The following LMBR1 variants were observed in gnomAD, a reference collection of about 807,000 sequenced individuals.
LMBR1 encodes the protein limb development membrane protein 1.
LMBR1 carries 52 observed loss-of-function variants against 73.9 expected under a neutral mutation model. That is an observed-to-expected ratio of 0.70 (90% CI 0.56 to 0.89). The LOEUF is 0.89. LMBR1 is among the 40% of genes least tolerant of loss of function. LMBR1 has a pLI of 0.00. For synonymous variants in LMBR1, 215 were observed against 209.4 expected (o/e 1.03, Z -0.23); for missense variants, 539 against 579.8 (o/e 0.93, Z 0.72).
In LMBR1 at chr7:156,681,821, G is replaced by A. The variant is rs1409631502; in HGVS notation, c.*2257C>T. ...TAAAATGAGGACCCCCAGAGCGACT[G>A]TCCTTACCAGGACTCAGAACGTTTG... On this transcript the variant is annotated 3_prime_UTR_variant, in exon 17 of 17. Transcript: ENST00000353442. 6.6e-6 allele frequency: 1 copy of A among 152,268 alleles called. No individual in the cohort carries two copies. Among genetic ancestry groups the A allele is most frequent in the East Asian group, 1.9e-4 (1 of 5,202 alleles). 9.4% of individuals were successfully genotyped at this position (152,268 alleles called of 1,614,324 possible).
intron 7 of LMBR1, 71 bp from the exon 8 acceptor site, chr7:156,762,269 A>G (rs1317708440): frequency 1.1e-6 from 1 of 905,686 alleles, no homozygotes; most frequent in Non-Finnish European, 1.8e-6. Context: ...AAACAACTAG[A>G]CTGTAAAAAT....
intron 1 of LMBR1, among the ~76,000 whole-genome samples, chr7:156,873,595 T>C (rs1286748327): frequency 1.3e-5 from 2 of 152,174 alleles, no homozygotes; most frequent in Admixed American, 1.3e-4. Flanking sequence ...TTACAATCCC[T>C]GAGCTAGATA....
chr7:156,693,996 T>C (rs1807765432), intron 15 of LMBR1, among the ~76,000 whole-genome samples: 1 of 152,146 alleles, frequency 6.6e-6, no homozygotes, highest in South Asian at 2.1e-4. Context: ...TGGTTCAACA[T>C]ATGAAGGTCA....
intron 1 of LMBR1, among the ~76,000 whole-genome samples, chr7:156,878,779 G>T (rs1338342484): frequency 6.6e-6 from 1 of 152,132 alleles, no homozygotes; most frequent in Non-Finnish European, 1.5e-5. Context: ...AAATCTGGAG[G>T]TATCACATTA....
intron 15 of LMBR1, among the ~76,000 whole-genome samples, chr7:156,712,620 A>C (rs1315730536): frequency 6.6e-6 from 1 of 152,212 alleles, no homozygotes; most frequent in Non-Finnish European, 1.5e-5. Context: ...CCTAAGCGCC[A>C]ATCAATGGAC....
At chr7:156,837,130 C>T (rs1837774419) in intron 1 of LMBR1, among the ~76,000 whole-genome samples, 1 of 151,520 alleles carries the variant, frequency 6.6e-6, no homozygotes, top group East Asian at 1.9e-4. Flanking sequence ...TTGAGACCAG[C>T]CTGGCCAACA....
chr7:156,731,486 A>C (rs965477774), intron 10 of LMBR1, among the ~76,000 whole-genome samples: 5 of 152,212 alleles, frequency 3.3e-5, no homozygotes, highest in African/African-American at 1.2e-4. Context: ...AAATTGCTAA[A>C]CAAAGACAAA....
At chr7:156,727,278 C>T (rs1046631319) in intron 12 of LMBR1, among the ~76,000 whole-genome samples, 1 of 152,096 alleles carries the variant, frequency 6.6e-6, no homozygotes, top group African/African-American at 2.4e-5. Context: ...ATACAGGGAT[C>T]TCCTATGACG....
chr7:156,673,134 C>A (rs910026747), downstream of LMBR1, among the ~76,000 whole-genome samples: 6 of 152,184 alleles, frequency 3.9e-5, no homozygotes, highest in Admixed American at 3.9e-4. Context: ...CCAAATAGTA[C>A]TTTTATGTCC....
At chr7:156,811,727 T>A (rs1833129671) in intron 4 of LMBR1, among the ~76,000 whole-genome samples, 4 of 152,120 alleles carry the variant, frequency 2.6e-5, no homozygotes, top group African/African-American at 9.7e-5. Context: ...CTTCTGTGAG[T>A]ATGTTGCATG....
chr7:156,830,260 AAATG>A (rs1217577648), intron 3 of LMBR1, among the ~76,000 whole-genome samples: 1 of 152,218 alleles, frequency 6.6e-6, no homozygotes, highest in Admixed American at 6.5e-5. Context: ...GTTATCAATA[AAATG>A]AAAGACCTCA....
At position 156,738,087 on chromosome 7, in the gene LMBR1, A is replaced by C. The variant is rs187034874; in HGVS notation, c.758-3830T>G. The stretch of plus-strand genomic sequence containing the variant: ...AAAGAGGCACTGAAGAGGGTAGAAA[A>C]GACAGCCTTGAACTGCCGATGCCAA... On this transcript the variant is annotated intron_variant, in intron 9 of 16. Coordinates refer to ENST00000353442, the MANE Select transcript of LMBR1 (RefSeq NM_022458.4). Among the ~76,000 whole-genome samples, 1,318 of 152,302 alleles carry C rather than the reference A, an allele frequency of 8.7e-3. 8 individuals carry two copies. The highest frequency in any genetic ancestry group is 0.014 in the Non-Finnish European group (925 of 68,024).
At chr7:156,780,420 T>C (rs1826922784) in intron 5 of LMBR1, among the ~76,000 whole-genome samples, 1 of 152,192 alleles carries the variant, frequency 6.6e-6, no homozygotes, top group Admixed American at 6.5e-5. Flanking sequence ...ACAAATGAAT[T>C]AATACATGTT....
At chr7:156,743,278 T>C (rs1342446276) in intron 9 of LMBR1, among the ~76,000 whole-genome samples, 5 of 152,182 alleles carry the variant, frequency 3.3e-5, no homozygotes, top group Non-Finnish European at 7.4e-5. Context: ...AACTGGTTAC[T>C]TAAGTCCGCT....
chr7:156,716,594 A>G (rs1186639278), intron 15 of LMBR1, among the ~76,000 whole-genome samples: 1 of 152,218 alleles, frequency 6.6e-6, no homozygotes, highest in Non-Finnish European at 1.5e-5. Context: ...TCTCCATGGT[A>G]TGGCTCAGTC....
rs532198325 is a variant in LMBR1 at position 156,683,144 on chromosome 7, G to A, written c.*934C>T. 2 of 152,332 alleles carry A rather than the reference G, an allele frequency of 1.3e-5. No homozygotes were observed. The highest frequency in any genetic ancestry group is 1.9e-4 in the East Asian group (1 of 5,196). 9.4% of individuals were successfully genotyped at this position (152,332 alleles called of 1,614,324 possible). On this transcript the variant is annotated 3_prime_UTR_variant, in exon 17 of 17. Transcript: ENST00000353442. ...GCATATGCAAATGTAACCAAAGCCT[G>A]AGGACTATGAAGAAAGAGGAGTTTC... is the stretch of plus-strand genomic sequence containing the variant.
intron 1 of LMBR1, among the ~76,000 whole-genome samples, chr7:156,869,260 A>C (rs1798919409): frequency 6.6e-6 from 1 of 152,164 alleles, no homozygotes; most frequent in South Asian, 2.1e-4. Context: ...TAATATTCAA[A>C]ACCCTAAGAT....
At position 156,761,445 on chromosome 7, in the gene LMBR1, C is replaced by A. The variant is rs189502390; in HGVS notation, c.684+689G>T. Among the ~76,000 whole-genome samples the A allele has an allele frequency of 1.6e-3, 238 of 152,164 alleles. 2 individuals are homozygous for A. The highest frequency in any genetic ancestry group is 5.6e-3 in the African/African-American group (232 of 41,512). On this transcript the variant is annotated intron_variant, in intron 8 of 16. Transcript: ENST00000353442. The stretch of plus-strand genomic sequence containing the variant: ...AATTAATCGAGACACAATATGCAGA[C>A]AAATTTTCAGAAATATAACCATTTT...
chr7:156,801,217 C>T (rs1830898665), intron 4 of LMBR1, among the ~76,000 whole-genome samples: 1 of 152,174 alleles, frequency 6.6e-6, no homozygotes, highest in Non-Finnish European at 1.5e-5. Flanking sequence ...TGGCAAACTA[C>T]ACTGTTGTCT....
Sources: allele counts gnomAD v4.1 joint callset (sites outside exome capture counted in the v4.1 genomes callset), GRCh38; gene constraint gnomAD v4.1.1; transcripts MANE v1.5; gene names NCBI Gene and HGNC (gene_info 2026-07-23, HGNC 2026-07-21).